PLOD2: variants seen among roughly 807,000 people sequenced by gnomAD.
PLOD2 encodes procollagen-lysine,2-oxoglutarate 5-dioxygenase 2, also known as lysine hydroxylase 2.
Under a neutral mutation model 101.0 loss-of-function variants are expected in PLOD2, and 65 were observed. That is an observed-to-expected ratio of 0.64 (90% CI 0.53 to 0.79). PLOD2 has a LOEUF of 0.79. Ranked by LOEUF, PLOD2 falls within the 30% of genes least tolerant of loss-of-function variation. The probability of loss-of-function intolerance (pLI) is 0.00; values close to 1 mark genes in which losing one functional copy is unlikely to be tolerated. For missense variants in PLOD2, 909 were observed against 914.6 expected (o/e 0.99, Z 0.08); for synonymous variants, 314 against 302.9 (o/e 1.04, Z -0.38).
intron 11 of PLOD2, among the ~76,000 whole-genome samples, chr3:146,084,934 G>T (rs1216885880): frequency 6.6e-6 from 1 of 151,842 alleles, no homozygotes; most frequent in African/African-American, 2.4e-5. Context: ...CAGAAAAATG[G>T]GCCAAGTAAC....
intron 1 of PLOD2, among the ~76,000 whole-genome samples, chr3:146,153,798 T>C (rs2032174612): frequency 6.7e-6 from 1 of 149,506 alleles, no homozygotes; most frequent in African/African-American, 2.5e-5. Flanking sequence ...AATTCCTTTG[T>C]TCCATAAAGA....
At chr3:146,157,318 A>G (rs1004319376) in intron 1 of PLOD2, among the ~76,000 whole-genome samples, 3 of 152,242 alleles carry the variant, frequency 2.0e-5, no homozygotes, top group African/African-American at 7.2e-5. Flanking sequence ...CAATTTATTA[A>G]ACATAAGGAC....
Position 146,071,311 on chromosome 3 carries a change from A to G in PLOD2, c.1961T>C (p.Val654Ala), listed in dbSNP as rs751830272. The G allele has an allele frequency of 9.9e-6, 16 of 1,612,218 alleles. No individual in the cohort carries two copies. Among genetic ancestry groups the G allele is most frequent in the Non-Finnish European group, 1.2e-5 (14 of 1,178,748 alleles). Reference sequence around the variant, plus strand: ...ATAGCCTGCAAAGACCTTCAGTGTAACTGGTGCAATGAACTCCCGGATAAA... The same window carrying G: ...ATAGCCTGCAAAGACCTTCAGTGTAGCTGGTGCAATGAACTCCCGGATAAA... ...LHFIREFIAP[V>A]TLKVFAGYYT... Residue 654 changes from valine to alanine, a missense_variant, in exon 18 of 20, where the codon GTT (valine) becomes GCT (alanine). Transcript: ENST00000282903.
At chr3:146,126,174 G>C (rs112649180) in intron 1 of PLOD2, among the ~76,000 whole-genome samples, 2 of 152,186 alleles carry the variant, frequency 1.3e-5, no homozygotes, top group African/African-American at 4.8e-5. Flanking sequence ...GCAATCCTAT[G>C]CCAAATAAGA....
rs557891596 is a variant in PLOD2, at chr3:146,106,615, G to A, written c.532C>T (p.Arg178Cys). ...GFIGYAPYVN[R>C]IVQQWNLQDN... ...TGGAGATTCCATTGTTGAACTATACGGTTGACATATGGAGCATAGCCAATA... is the reference window on the plus strand; with the variant it reads ...TGGAGATTCCATTGTTGAACTATACAGTTGACATATGGAGCATAGCCAATA... The change falls in exon 5 of 20, where the codon CGT becomes TGT. Residue 178 changes from arginine to cysteine, a missense_variant. By Grantham distance (180) the Arg-to-Cys change is radical (BLOSUM62 -3). Coordinates refer to ENST00000282903, the MANE Select transcript of PLOD2 (RefSeq NM_182943.3). The A allele has an allele frequency of 6.0e-4, 944 of 1,584,136 alleles. 8 individuals carry two copies. The South Asian group carries it at 9.8e-3, about 16-fold the overall frequency.
chr3:146,093,511 T>C (rs539053849), intron 7 of PLOD2, among the ~76,000 whole-genome samples: 24 of 152,344 alleles, frequency 1.6e-4, no homozygotes, highest in African/African-American at 5.8e-4. Flanking sequence ...TCATTTGTGT[T>C]CTACAAAATA....
chr3:146,159,685 G>C (rs748366654), intron 1 of PLOD2, among the ~76,000 whole-genome samples: 1 of 152,130 alleles, frequency 6.6e-6, no homozygotes, highest in Admixed American at 6.5e-5. Context: ...AAATTTAGAG[G>C]AATCACACGG....
chr3:146,116,173 A>G (rs1937895911), intron 3 of PLOD2, among the ~76,000 whole-genome samples: 1 of 152,032 alleles, frequency 6.6e-6, no homozygotes, highest in Admixed American at 6.6e-5. Flanking sequence ...ATTTCCAGAG[A>G]TAATTAACAT....
chr3:146,152,812 A>G (rs2032122437), intron 1 of PLOD2, among the ~76,000 whole-genome samples: 1 of 152,208 alleles, frequency 6.6e-6, no homozygotes, highest in Admixed American at 6.5e-5. Flanking sequence ...AAAGTCAGAG[A>G]AGAGTAAGAA....
At chr3:146,121,380 A>G in intron 2 of PLOD2, 132 bp from the exon 3 acceptor site, 1 of 771,970 alleles carries the variant, frequency 1.3e-6, no homozygotes, top group Non-Finnish European at 2.2e-6. Context: ...TGGAATCATG[A>G]TTCTAGAAAA....
intron 16 of PLOD2, 49 bp downstream of exon 16, chr3:146,073,238 T>C (rs766855273): frequency 1.4e-6 from 1 of 733,490 alleles, no homozygotes; most frequent in South Asian, 1.7e-5. Flanking sequence ...ATATTTCTTC[T>C]GGAAAATAAC....
chr3:146,097,552 A>C (rs1406757833), intron 7 of PLOD2, among the ~76,000 whole-genome samples: 1 of 110,882 alleles, frequency 9.0e-6, no homozygotes, highest in African/African-American at 3.6e-5. Context: ...GGTTAAATGG[A>C]TTAAGGGCGG....
chr3:146,116,248 C>A (rs1323742426), intron 3 of PLOD2, among the ~76,000 whole-genome samples: 1 of 151,930 alleles, frequency 6.6e-6, no homozygotes, highest in East Asian at 1.9e-4. Flanking sequence ...CACAGACACA[C>A]AGACACAGAC....
intron 5 of PLOD2, among the ~76,000 whole-genome samples, chr3:146,105,754 G>T (rs959421530): frequency 6.6e-6 from 1 of 152,168 alleles, no homozygotes; most frequent in African/African-American, 2.4e-5. Context: ...CACAGACTAT[G>T]TGGTCTCAGT....
chr3:146,161,104 C>T lies in PLOD2; in HGVS notation c.-115G>A. 3.4e-6 allele frequency: 2 copies of T among 585,938 alleles called. No homozygotes were observed. The highest frequency in any genetic ancestry group is 4.2e-5 in the South Asian group (1 of 23,686). The allele number at this position is 585,938 out of a possible 1,614,324, so 36.3% of individuals were successfully genotyped here. A position where few individuals can be genotyped will look rare whatever the true frequency, so the allele number is the denominator to read the frequency against. ...TGAGCCGCCGATTGCGGGCGGGAGC[C>T]GGCGGGCAAGGCGCGCGGCCGGCAG... On this transcript the variant is annotated 5_prime_UTR_variant, in exon 1 of 20. Transcript: ENST00000282903.
At chr3:146,148,565 G>T (rs1018130295) in intron 1 of PLOD2, among the ~76,000 whole-genome samples, 1 of 152,120 alleles carries the variant, frequency 6.6e-6, no homozygotes, top group African/African-American at 2.4e-5. Context: ...ACACTCCTCT[G>T]TACTGTTTCT....
At chr3:146,160,507 G>A (rs1212315379) in intron 1 of PLOD2, among the ~76,000 whole-genome samples, 1 of 152,100 alleles carries the variant, frequency 6.6e-6, no homozygotes, top group Non-Finnish European at 1.5e-5. Context: ...GGTCACAGAA[G>A]GAGTACTGCC....
chr3:146,070,995 T>C (rs1242258394), intron 19 of PLOD2, 47 bp downstream of exon 19: 2 of 1,552,216 alleles, frequency 1.3e-6, no homozygotes, highest in African/African-American at 1.4e-5. Context: ...CTTTTCATAA[T>C]GATATATTTC....
chr3:146,105,466 C>A (rs1937520211), intron 5 of PLOD2, among the ~76,000 whole-genome samples: 1 of 152,164 alleles, frequency 6.6e-6, no homozygotes, highest in African/African-American at 2.4e-5. Flanking sequence ...TGAACAATGA[C>A]CAGGGCTTTT....
Sources: allele counts gnomAD v4.1 joint callset (sites outside exome capture counted in the v4.1 genomes callset), GRCh38; gene constraint gnomAD v4.1.1; transcripts MANE v1.5; gene names NCBI Gene and HGNC (gene_info 2026-07-23, HGNC 2026-07-21).